Variants in KNSTRN observed in about 807,000 individuals in gnomAD.
KNSTRN encodes the protein small kinetochore-associated protein.
In KNSTRN, 38 loss-of-function variants were observed where a neutral mutation model predicts 44.7. The observed-to-expected ratio is 0.85, with a 90% CI of 0.66 to 1.11. The LOEUF is 1.11. Among genes scored for constraint, KNSTRN ranks in the 50% most tolerant of loss-of-function variants. The pLI is 0.00. For missense variants in KNSTRN, 406 were observed against 375.8 expected (o/e 1.08, Z -0.66); for synonymous variants, 158 against 148.1 (o/e 1.07, Z -0.48).
At chr15:40,389,292 G>C in intron 4 of KNSTRN, 1 of 511,220 alleles carries the variant, frequency 2.0e-6, no homozygotes, top group Non-Finnish European at 3.6e-6. Context: ...GGGATTACAG[G>C]CATGCGCCAC....
chr15:40,391,520 G>A lies in KNSTRN; in HGVS notation c.713G>A (p.Arg238Gln), dbSNP rs757403176. ...TTAGGCAGTGAGACCCTGGCATCAC[G>A]ACAAGAATCCACTACTGATCACATG... is the stretch of plus-strand genomic sequence containing the variant. ...PALGSETLAS[R>Q]QESTTDHMDS... Residue 238 changes from arginine to glutamine, a missense_variant, in exon 7 of 9, where the codon CGA (arginine) becomes CAA (glutamine). Transcript: ENST00000249776. 4 of 1,613,946 alleles carry A rather than the reference G, an allele frequency of 2.5e-6. No individual in the cohort carries two copies. Among genetic ancestry groups the A allele is most frequent in the Middle Eastern group, 1.6e-4 (1 of 6,062 alleles).
chr15:40,388,471 C>T (rs972525977), intron 4 of KNSTRN, among the ~76,000 whole-genome samples: 11 of 152,086 alleles, frequency 7.2e-5, no homozygotes, highest in East Asian at 1.9e-4. Flanking sequence ...GAGGCCGAGG[C>T]GGGTGGATCT....
chr15:40,389,866 G>C lies in KNSTRN; in HGVS notation c.622G>C (p.Glu208Gln), dbSNP rs771409374. Residue 208 changes from glutamate (E) to glutamine (Q), a missense_variant, in exon 6 of 9, where the codon GAG (glutamate) becomes CAG (glutamine). Transcript: ENST00000249776. ...GCTGAAGGACCTGACCCAGAAGGTA[G>C]AGCTGCTGGAGAAGTTTCGGGACAA... ...GELKDLTQKV[E>Q]LLEKFRDNCL... 2 of 1,614,102 alleles carry C rather than the reference G, an allele frequency of 1.2e-6. No homozygotes were observed. The highest frequency in any genetic ancestry group is 1.1e-5 in the South Asian group (1 of 91,090).
At position 40,382,952 on chromosome 15, in the gene KNSTRN, G is replaced by A. The variant is rs574704850; in HGVS notation, c.117G>A (p.Gln39=). The change falls in exon 1 of 9, where the codon CAG becomes CAA. Residue 39 remains glutamine, a synonymous_variant. Transcript: ENST00000249776. ...PSYRKFLFET[Q]AADLAGGTTV... is the part of the protein sequence containing the mutation. ...ACCGGAAGTTTCTATTTGAAACCCA[G>A]GCGGCCGACTTAGCCGGTGGCACGA... 6 of 1,612,290 alleles carry A rather than the reference G, an allele frequency of 3.7e-6. No homozygotes were observed. The highest frequency in any genetic ancestry group is 5.1e-6 in the Non-Finnish European group (6 of 1,180,022).
At chr15:40,388,065 G>A (rs1889931490) in intron 4 of KNSTRN, among the ~76,000 whole-genome samples, 1 of 152,130 alleles carries the variant, frequency 6.6e-6, no homozygotes, top group African/African-American at 2.4e-5. Context: ...AGAACTTTAA[G>A]AAAAAACTCT....
At chr15:40,384,342 C>G in intron 2 of KNSTRN, 1 of 393,370 alleles carries the variant, frequency 2.5e-6, no homozygotes, top group African/African-American at 2.1e-5. Flanking sequence ...CCACTGCACT[C>G]CAGCCTGGGC....
chr15:40,393,517 G>C lies in KNSTRN; in HGVS notation c.871G>C (p.Glu291Gln). ...EMKEERVRFL[E>Q]QQTLCNNQVN... ...GAAAGAGGAAAGAGTCCGATTCCTA[G>C]AACAGCAAACCTTATGTAACAATCA... Residue 291 changes from glutamate (E) to glutamine (Q), a missense_variant, in exon 9 of 9, where the codon GAA (glutamate) becomes CAA (glutamine). By Grantham distance (29) the Glu-to-Gln change is conservative. Transcript: ENST00000249776. 6.2e-7 allele frequency: 1 copy of C among 1,614,046 alleles called. No homozygotes were observed. The highest frequency in any genetic ancestry group is 8.5e-7 in the Non-Finnish European group (1 of 1,179,990).
chr15:40,387,594 T>C (rs1331549952), intron 4 of KNSTRN, among the ~76,000 whole-genome samples: 1 of 152,154 alleles, frequency 6.6e-6, no homozygotes, highest in Admixed American at 6.5e-5. Context: ...GGAGAAGGAT[T>C]CATGTCTCAT....
intron 4 of KNSTRN, among the ~76,000 whole-genome samples, chr15:40,388,529 A>G (rs1356270519): frequency 6.6e-6 from 1 of 152,076 alleles, no homozygotes; most frequent in African/African-American, 2.4e-5. Flanking sequence ...CACCGTCTCT[A>G]CTAAAAATAC....
Position 40,382,894 on chromosome 15 carries a change from C to G in KNSTRN, c.59C>G (p.Thr20Arg), listed in dbSNP as rs1889832526. Residue 20 changes from threonine (T) to arginine (R), a missense_variant, in exon 1 of 9, where the codon ACA (threonine) becomes AGA (arginine). Thr to Arg is a moderately conservative substitution (Grantham distance 71). Transcript: ENST00000249776. ...DRVFRTTWLS[T>R]ECDSHPLPPS... ...GTTTTCCGTACAACATGGCTGTCTACAGAGTGCGATTCCCACCCACTTCCG... is the reference window on the plus strand; with the variant it reads ...GTTTTCCGTACAACATGGCTGTCTAGAGAGTGCGATTCCCACCCACTTCCG... 5 of 1,612,302 alleles carry G rather than the reference C, an allele frequency of 3.1e-6. No homozygotes were observed. Among genetic ancestry groups the G allele is most frequent in the South Asian group, 1.1e-5 (1 of 91,002 alleles).
In KNSTRN at chr15:40,389,832, A is replaced by G. The variant is rs1007485102; in HGVS notation, c.592-4A>G. 3.7e-6 allele frequency: 6 copies of G among 1,613,862 alleles called. No individual in the cohort carries two copies. The South Asian group carries it at 5.5e-5, about 15-fold the overall frequency. On this transcript the variant is annotated splice_polypyrimidine_tract_variant and splice_region_variant and intron_variant, in intron 5 of 8. Coordinates refer to ENST00000249776, the MANE Select transcript of KNSTRN (RefSeq NM_033286.4). ...CCTGATCTGTCTGTGCTGTGCTCCA[A>G]TAGGGAGAGCTGAAGGACCTGACCC...
chr15:40,389,466 AC>A (rs772134099), intron 4 of KNSTRN, 39 bp from the exon 5 acceptor site: 6 of 1,503,382 alleles, frequency 4.0e-6, no homozygotes, highest in Admixed American at 1.7e-5. Context: ...CATACTGTTA[AC>A]CCTTTTATCT....
chr15:40,382,801 C>A lies in KNSTRN; in HGVS notation c.-35C>A. ...GGGGCTCCAACACCTTTCGCTAGGTCTGGCTCTGGCCTCTGAGCGAACCTT... is the reference window on the plus strand; with the variant it reads ...GGGGCTCCAACACCTTTCGCTAGGTATGGCTCTGGCCTCTGAGCGAACCTT... On this transcript the variant is annotated 5_prime_UTR_variant, in exon 1 of 9. It adds an upstream start codon to the 5' untranslated region. Coordinates refer to ENST00000249776, the MANE Select transcript of KNSTRN (RefSeq NM_033286.4). 1 of 1,588,486 alleles carries A rather than the reference C, an allele frequency of 6.3e-7. No individual in the cohort carries two copies. The highest frequency in any genetic ancestry group is 1.1e-5 in the South Asian group (1 of 88,886).
intron 2 of KNSTRN, among the ~76,000 whole-genome samples, chr15:40,385,309 G>A (rs1468304231): frequency 1.3e-5 from 2 of 152,248 alleles, no homozygotes; most frequent in African/African-American, 4.8e-5. Context: ...CACAAGGATA[G>A]AGGAAAATGC....
At position 40,392,097 on chromosome 15, in the gene KNSTRN, CTATTTATTTTTA is replaced by C. The variant is rs1595741081; in HGVS notation, c.822+75_822+86del. 3.0e-5 allele frequency: 27 copies of C among 892,266 alleles called. No individual in the cohort carries two copies. In the East Asian group the frequency reaches 7.4e-4, roughly 25 times the overall value. The allele number at this position is 892,266 out of a possible 1,614,324, so 55.3% of individuals were successfully genotyped here. A position where few individuals can be genotyped will look rare whatever the true frequency, so the allele number is the denominator to read the frequency against. On this transcript the variant is annotated intron_variant, in intron 8 of 8. Transcript: ENST00000249776. ...TTATAGTGGGGTCTTTTCTGTTTTT[CTATTTATTTTTA>C]ATAAACTTTCTAAATAATTTTAGAT... is the stretch of plus-strand genomic sequence containing the variant.
At chr15:40,385,702 A>G (rs1430263250) in intron 2 of KNSTRN, among the ~76,000 whole-genome samples, 1 of 152,200 alleles carries the variant, frequency 6.6e-6, no homozygotes, top group East Asian at 1.9e-4. Flanking sequence ...GAGAGTGTGC[A>G]GAGTGCTTGG....
At chr15:40,383,772 A>G (rs1889856191) in intron 2 of KNSTRN, among the ~76,000 whole-genome samples, 1 of 152,194 alleles carries the variant, frequency 6.6e-6, no homozygotes, top group Admixed American at 6.5e-5. Context: ...CCACATTCTC[A>G]ATACACGTTT....
rs1445442918 is a variant in KNSTRN at position 40,394,214 on chromosome 15, G to C, written c.*617G>C. 3 of 152,094 alleles carry C rather than the reference G, an allele frequency of 2.0e-5. No homozygotes were observed. The highest frequency in any genetic ancestry group is 7.2e-5 in the African/African-American group (3 of 41,410). 9.4% of individuals were successfully genotyped at this position (152,094 alleles called of 1,614,324 possible). A position where few individuals can be genotyped will look rare whatever the true frequency, so the allele number is the denominator to read the frequency against. On this transcript the variant is annotated 3_prime_UTR_variant, in exon 9 of 9. Coordinates refer to ENST00000249776, the MANE Select transcript of KNSTRN (RefSeq NM_033286.4). ...AATCTAAATTACTTTTCTTTTTTAA[G>C]TCTACTTTTAAAATAAATACTTCTG...
intron 7 of KNSTRN, 144 bp from the exon 8 acceptor site, chr15:40,391,805 T>C (rs1027041769): frequency 1.1e-5 from 8 of 714,290 alleles, no homozygotes; most frequent in African/African-American, 1.8e-5. Context: ...TAGAGAGAGC[T>C]TTCTCGTTCT....
Sources: allele counts gnomAD v4.1 joint callset (sites outside exome capture counted in the v4.1 genomes callset), GRCh38; gene constraint gnomAD v4.1.1; transcripts MANE v1.5; gene names NCBI Gene and HGNC (gene_info 2026-07-23, HGNC 2026-07-21).